Variants in MTUS2 observed in about 807,000 individuals in gnomAD.
MTUS2 encodes the protein microtubule associated scaffold protein 2, also known as microtubule-associated tumor suppressor candidate 2.
A neutral mutation model predicts 114.1 loss-of-function variants in MTUS2; 40 were observed. The ratio of observed to expected loss-of-function variants is 0.35; its 90% CI spans 0.27 to 0.46. The LOEUF is 0.46. MTUS2 is among the 20% of genes least tolerant of loss of function. MTUS2 has a pLI of 1.00. For missense variants in MTUS2, 1,679 were observed against 1,705.4 expected, an observed-to-expected ratio of 0.98 and a Z score of 0.27; for synonymous variants, 688 against 672.0, an observed-to-expected ratio of 1.02 and a Z score of -0.37.
Position 29,034,001 on chromosome 13 carries a change from A to G in MTUS2, c.2322A>G (p.Ala774=). 1.9e-6 allele frequency: 3 copies of G among 1,613,970 alleles called. No individual in the cohort carries two copies. The highest frequency in any genetic ancestry group is 2.5e-6 in the Non-Finnish European group (3 of 1,179,900). ...MLLKPQLGLG[A]MSRLPSAKSR... ...TTAAGCCCCAGCTAGGATTGGGTGC[A>G]ATGTCCCGTTTACCATCTGCAAAGA... The change falls in exon 4 of 16, where the codon GCA becomes GCG. Residue 774 remains alanine (A), a synonymous_variant. Coordinates refer to ENST00000612955, the MANE Select transcript of MTUS2 (RefSeq NM_001033602.4).
chr13:28,884,620 C>T (rs1443417878), intron 2 of MTUS2, among the ~76,000 whole-genome samples: 1 of 152,094 alleles, frequency 6.6e-6, no homozygotes, highest in Non-Finnish European at 1.5e-5. Context: ...CACTTGGGAG[C>T]GGGGAACGGG....
rs138698080 is a variant in MTUS2 at position 29,294,693 on chromosome 13, A to G, written c.2806+12828A>G. Among the ~76,000 whole-genome samples the G allele has an allele frequency of 4.2e-3, 646 of 152,372 alleles. 4 individuals are homozygous for G. Among genetic ancestry groups the G allele is most frequent in the African/African-American group, 0.015 (620 of 41,588 alleles). ...AAGTCCTCTCTCAGTGGAATCACACAACATATACTTCATATTTCCAGCAAT... is the reference window on the plus strand; with the variant it reads ...AAGTCCTCTCTCAGTGGAATCACACGACATATACTTCATATTTCCAGCAAT... On this transcript the variant is annotated intron_variant, in intron 6 of 15. Coordinates refer to ENST00000612955, the MANE Select transcript of MTUS2 (RefSeq NM_001033602.4).
chr13:29,045,845 T>C (rs989223672), intron 4 of MTUS2, among the ~76,000 whole-genome samples: 8 of 152,174 alleles, frequency 5.3e-5, no homozygotes, highest in African/African-American at 1.9e-4. Context: ...TTCTCTCCCC[T>C]CCTGGGCTGT....
intron 2 of MTUS2, among the ~76,000 whole-genome samples, chr13:28,938,379 CA>C (rs200546939): frequency 0.012 from 1,282 of 105,454 alleles, 7 homozygotes; most frequent in Admixed American, 0.019. Context: ...GACTCTGTCT[CA>C]AAAAAAAAAA....
chr13:29,026,035 A>T lies in MTUS2; in HGVS notation c.1337A>T (p.Asp446Val). 6.2e-7 allele frequency: 1 copy of T among 1,614,016 alleles called. No homozygotes were observed. The highest frequency in any genetic ancestry group is 8.5e-7 in the Non-Finnish European group (1 of 1,179,896). Reference protein sequence around the residue: ...HVAFIPNNLTDSKPLDVIEEE... With the variant: ...HVAFIPNNLTVSKPLDVIEEE... ...GCTTTTATTCCTAATAATCTGACTGACAGCAAGCCCTTGGATGTCATTGAG... is the reference window on the plus strand; with the variant it reads ...GCTTTTATTCCTAATAATCTGACTGTCAGCAAGCCCTTGGATGTCATTGAG... The change falls in exon 3 of 16, where the codon GAC (aspartate) becomes GTC (valine). Residue 446 changes from aspartate (D) to valine (V), a missense_variant. Asp to Val is a radical substitution (Grantham distance 152). Around this residue, in one of 3 missense-constraint regions of MTUS2, gnomAD observed 843 missense variants for 770.8 expected, o/e 1.09. Coordinates refer to ENST00000612955, the MANE Select transcript of MTUS2 (RefSeq NM_001033602.4).
At chr13:29,407,571 A>C (rs372176057) in intron 8 of MTUS2, among the ~76,000 whole-genome samples, 1 of 151,600 alleles carries the variant, frequency 6.6e-6, no homozygotes, top group South Asian at 2.1e-4. Context: ...TCTGCCTCCC[A>C]GGTTCAAGGG....
intron 4 of MTUS2, among the ~76,000 whole-genome samples, chr13:29,054,471 A>G (rs1219694156): frequency 6.6e-6 from 1 of 152,124 alleles, no homozygotes; most frequent in Non-Finnish European, 1.5e-5. Flanking sequence ...GACTAGGCAA[A>G]TTCAAATTTA....
intron 8 of MTUS2, among the ~76,000 whole-genome samples, chr13:29,383,240 G>GTATATATATATATATATT (rs1224083355): frequency 0.013 from 321 of 25,076 alleles, 2 homozygotes; most frequent in African/African-American, 0.02. Context: ...GTGTGTGTGT[G>GTATATATATATATATATT]TGTGTGTGTG....
Position 29,000,334 on chromosome 13 carries a change from A to T in MTUS2, c.-242-24123A>T, listed in dbSNP as rs190273263. Among the ~76,000 whole-genome samples, 16 of 152,160 alleles carry T rather than the reference A, an allele frequency of 1.1e-4. No homozygotes were observed. The East Asian group carries it at 3.1e-3, about 29-fold the overall frequency. ...TTTGAAGGACAGTTTTGCTGCCCAT[A>T]GGATTCTTGGTTGACAGTGTTTTTT... is the stretch of plus-strand genomic sequence containing the variant. On this transcript the variant is annotated intron_variant, in intron 2 of 15. Transcript: ENST00000612955.
At chr13:29,159,830 A>G (rs546812511) in intron 5 of MTUS2, among the ~76,000 whole-genome samples, 2 of 152,316 alleles carry the variant, frequency 1.3e-5, no homozygotes, top group African/African-American at 4.8e-5. Context: ...GAAATAGAAA[A>G]TAGCGACATC....
intron 5 of MTUS2, among the ~76,000 whole-genome samples, chr13:29,140,967 A>G (rs1892196906): frequency 6.6e-6 from 1 of 152,228 alleles, no homozygotes. Flanking sequence ...TAGGAGGGGT[A>G]AAGAAATAGC....
chr13:29,401,153 A>G (rs1295612831), intron 8 of MTUS2, among the ~76,000 whole-genome samples: 1 of 151,990 alleles, frequency 6.6e-6, no homozygotes, highest in Admixed American at 6.6e-5. Flanking sequence ...GTGACTGGCT[A>G]ATTTTTACAT....
chr13:29,314,234 A>G (rs1461549800), intron 6 of MTUS2, among the ~76,000 whole-genome samples: 2 of 152,194 alleles, frequency 1.3e-5, no homozygotes, highest in African/African-American at 4.8e-5. Context: ...GAATGGCTCT[A>G]AGAAAACAAA....
At chr13:28,953,719 C>T (rs996801890) in intron 2 of MTUS2, among the ~76,000 whole-genome samples, 2 of 152,098 alleles carry the variant, frequency 1.3e-5, no homozygotes, top group Admixed American at 6.6e-5. Context: ...CATATAGTCC[C>T]CTCCCTAGAT....
intron 8 of MTUS2, among the ~76,000 whole-genome samples, chr13:29,370,891 C>G (rs1871135385): frequency 6.6e-6 from 1 of 152,190 alleles, no homozygotes; most frequent in East Asian, 1.9e-4. Flanking sequence ...CCATTAATTT[C>G]AGACAAGGCA....
At position 29,399,434 on chromosome 13, in the gene MTUS2, T is replaced by A. The variant is rs533849108; in HGVS notation, c.3117+39961T>A. ...TCATTTTCCCATCTCCTATTCAAGA[T>A]GCAGTTGCCCTCGTTCAAACAACTC... On this transcript the variant is annotated intron_variant, in intron 8 of 15. Transcript: ENST00000612955. 4.6e-5 allele frequency among the ~76,000 whole-genome samples: 7 copies of A among 152,330 alleles called. No individual in the cohort carries two copies. In the East Asian group the frequency reaches 1.3e-3, roughly 29 times the overall value.
chr13:29,042,600 C>A (rs778377058), intron 4 of MTUS2, among the ~76,000 whole-genome samples: 1 of 152,014 alleles, frequency 6.6e-6, no homozygotes, highest in Non-Finnish European at 1.5e-5. Flanking sequence ...TGGTCCTGGA[C>A]TTTTTCTTGT....
At chr13:29,219,071 G>A (rs866597974) in intron 5 of MTUS2, among the ~76,000 whole-genome samples, 3,081 of 146,338 alleles carry the variant, frequency 0.021, 107 homozygotes, top group African/African-American at 0.074. Flanking sequence ...CGCTGCACCC[G>A]CTAACTCGTC....
At chr13:28,882,911 TAGAC>T (rs1215358955) in intron 2 of MTUS2, among the ~76,000 whole-genome samples, 3 of 152,062 alleles carry the variant, frequency 2.0e-5, no homozygotes, top group African/African-American at 4.8e-5. Flanking sequence ...CGTCCAAAAA[TAGAC>T]AGTATCTAGA....
Sources: allele counts gnomAD v4.1 joint callset (sites outside exome capture counted in the v4.1 genomes callset), GRCh38; gene constraint gnomAD v4.1.1; regional missense constraint gnomAD v4.1.1; transcripts MANE v1.5; gene names NCBI Gene and HGNC (gene_info 2026-07-23, HGNC 2026-07-21).